The following CDH18 variants were observed in gnomAD, a reference collection of about 807,000 sequenced individuals.
CDH18 encodes cadherin-18.
CDH18 carries 31 observed loss-of-function variants against 67.9 expected under a neutral mutation model. The ratio of observed to expected loss-of-function variants is 0.46; its 90% CI spans 0.34 to 0.62. CDH18 has a LOEUF of 0.62. Among genes scored for constraint, CDH18 ranks in the 20% least tolerant of loss-of-function variants. The pLI, the probability that CDH18 is intolerant of heterozygous loss-of-function variation, is 0.01. For synonymous variants in CDH18, 362 were observed against 347.2 expected (o/e 1.04, Z -0.48); for missense variants, 890 against 975.5 (o/e 0.91, Z 1.17).
At chr5:20,049,998 T>C (rs1460326984) in intron 2 of CDH18, among the ~76,000 whole-genome samples, 1 of 151,500 alleles carries the variant, frequency 6.6e-6, no homozygotes, top group Admixed American at 6.6e-5. Context: ...AAATGTGAAA[T>C]AGAGGAAAAA....
intron 1 of CDH18, among the ~76,000 whole-genome samples, chr5:20,454,774 A>G (rs574607696): frequency 6.6e-6 from 1 of 152,202 alleles, no homozygotes; most frequent in South Asian, 2.1e-4. Flanking sequence ...GGAGCAATGC[A>G]GCGCCTTGTG....
chr5:20,159,431 GACTA>G (rs1243029034), intron 2 of CDH18, among the ~76,000 whole-genome samples: 6 of 152,114 alleles, frequency 3.9e-5, no homozygotes, highest in Admixed American at 2.6e-4. Context: ...AGTAAAGTTC[GACTA>G]AGCACATGAG....
At chr5:20,377,253 T>C (rs918434161) in intron 1 of CDH18, among the ~76,000 whole-genome samples, 50 of 152,354 alleles carry the variant, frequency 3.3e-4, no homozygotes, top group African/African-American at 1.2e-3. Flanking sequence ...ATTTCTATCA[T>C]ATACCATAAT....
At chr5:20,486,250 A>G (rs1184897519) in intron 1 of CDH18, among the ~76,000 whole-genome samples, 1 of 152,178 alleles carries the variant, frequency 6.6e-6, no homozygotes. Flanking sequence ...TGAAAAGAGT[A>G]AGCGATATCT....
chr5:20,246,542 C>T (rs1743389506), intron 2 of CDH18, among the ~76,000 whole-genome samples: 1 of 152,040 alleles, frequency 6.6e-6, no homozygotes, highest in South Asian at 2.1e-4. Flanking sequence ...AATAGGATTT[C>T]TTCTATTTTA....
At chr5:19,643,694 T>A (rs1454308622) in intron 5 of CDH18, among the ~76,000 whole-genome samples, 1 of 152,036 alleles carries the variant, frequency 6.6e-6, no homozygotes, top group African/African-American at 2.4e-5. Context: ...GGGAGTGATA[T>A]GGGAAGATGT....
chr5:20,454,425 G>T (rs1750690305), intron 1 of CDH18, among the ~76,000 whole-genome samples: 1 of 151,882 alleles, frequency 6.6e-6, no homozygotes, highest in African/African-American at 2.4e-5. Context: ...TATTAATACA[G>T]GTTAAAATTG....
chr5:20,039,457 C>G (rs1740205646), intron 2 of CDH18, among the ~76,000 whole-genome samples: 1 of 152,044 alleles, frequency 6.6e-6, no homozygotes, highest in Non-Finnish European at 1.5e-5. Context: ...TACTACAAGG[C>G]TACAGTAATC....
At chr5:20,349,511 G>A (rs571235842) in intron 1 of CDH18, among the ~76,000 whole-genome samples, 93 of 152,158 alleles carry the variant, frequency 6.1e-4, no homozygotes, top group Non-Finnish European at 1.1e-3. Context: ...TCCAGCAGGC[G>A]TTAAAGTTCA....
chr5:20,366,755 T>G (rs1451673280), intron 1 of CDH18, among the ~76,000 whole-genome samples: 4 of 152,190 alleles, frequency 2.6e-5, no homozygotes, highest in Non-Finnish European at 4.4e-5. Flanking sequence ...ACATATTAGC[T>G]AGCATTATTT....
At chr5:20,025,317 T>C (rs1406105958) in intron 2 of CDH18, among the ~76,000 whole-genome samples, 1 of 152,144 alleles carries the variant, frequency 6.6e-6, no homozygotes, top group African/African-American at 2.4e-5. Context: ...TTTTGGAAAG[T>C]AGCAGATATT....
intron 3 of CDH18, among the ~76,000 whole-genome samples, chr5:19,788,603 G>C (rs1183289166): frequency 6.6e-6 from 1 of 152,088 alleles, no homozygotes; most frequent in South Asian, 2.1e-4. Flanking sequence ...GGCTTTCATA[G>C]GGTGGGCTTC....
chr5:19,499,094 A>G (rs930753422), intron 11 of CDH18, among the ~76,000 whole-genome samples: 2 of 152,222 alleles, frequency 1.3e-5, no homozygotes, highest in Non-Finnish European at 2.9e-5. Context: ...TGGTTGAATG[A>G]ATACATGAGC....
intron 1 of CDH18, among the ~76,000 whole-genome samples, chr5:20,285,378 G>A (rs1258435486): frequency 8.8e-6 from 1 of 113,302 alleles, no homozygotes; most frequent in Non-Finnish European, 1.8e-5. Flanking sequence ...ATGTAATATG[G>A]CCATATAATA....
chr5:19,756,399 T>C (rs1005528026), intron 3 of CDH18, among the ~76,000 whole-genome samples: 1 of 152,358 alleles, frequency 6.6e-6, no homozygotes, highest in Middle Eastern at 3.4e-3. Flanking sequence ...CTACCTATTC[T>C]GTATTTCTTT....
In CDH18 at chr5:20,278,370, G is replaced by A. The variant is rs138738750; in HGVS notation, c.-579-22865C>T. Among the ~76,000 whole-genome samples, 171 of 151,794 alleles carry A rather than the reference G, an allele frequency of 1.1e-3. 1 individual carries two copies. The highest frequency in any genetic ancestry group is 6.8e-3 in the Middle Eastern group (2 of 292). ...GAGAATGGCATGACAGATTTAAAGC[G>A]CTGAAGGAAAAAAAAAATCCCAGAA... On this transcript the variant is annotated intron_variant, in intron 1 of 14. Transcript: ENST00000507958.
intron 2 of CDH18, among the ~76,000 whole-genome samples, chr5:20,083,975 G>C (rs961904359): frequency 6.6e-6 from 1 of 151,996 alleles, no homozygotes; most frequent in Admixed American, 6.6e-5. Flanking sequence ...TCCGCACCTG[G>C]TCCCTCCCAT....
intron 2 of CDH18, among the ~76,000 whole-genome samples, chr5:20,210,352 C>A (rs1156232426): frequency 1.3e-5 from 2 of 151,794 alleles, no homozygotes; most frequent in African/African-American, 4.8e-5. Flanking sequence ...TTTCAGGTTC[C>A]TGAGTGTATC....
chr5:20,048,751 T>C (rs923087614), intron 2 of CDH18, among the ~76,000 whole-genome samples: 2 of 151,622 alleles, frequency 1.3e-5, no homozygotes, highest in Admixed American at 6.6e-5. Flanking sequence ...TCAATAAATC[T>C]TCTGATATAT....
Sources: allele counts gnomAD v4.1 joint callset (sites outside exome capture counted in the v4.1 genomes callset), GRCh38; gene constraint gnomAD v4.1.1; transcripts MANE v1.5; gene names NCBI Gene and HGNC (gene_info 2026-07-23, HGNC 2026-07-21).